Variants in FAM171A1 observed in about 807,000 individuals in gnomAD.
FAM171A1 encodes the protein protein FAM171A1.
Under a neutral mutation model 74.9 loss-of-function variants are expected in FAM171A1, and 23 were observed. The ratio of observed to expected loss-of-function variants is 0.31; its 90% confidence interval spans 0.22 to 0.44. FAM171A1 has a LOEUF of 0.44. FAM171A1 is among the 20% of genes least tolerant of loss of function. The pLI, the probability that FAM171A1 is intolerant of heterozygous loss-of-function variation, is 1.00. For synonymous variants in FAM171A1, 527 were observed against 505.7 expected (o/e 1.04, Z -0.57); for missense variants, 1,162 against 1,159.2 (o/e 1.00, Z -0.03).
intron 1 of FAM171A1, among the ~76,000 whole-genome samples, chr10:15,293,632 C>G (rs1268675682): frequency 6.6e-6 from 1 of 151,752 alleles, no homozygotes; most frequent in Non-Finnish European, 1.5e-5. Flanking sequence ...AAGATGCAAA[C>G]AAGATCTGAA....
intron 1 of FAM171A1, among the ~76,000 whole-genome samples, chr10:15,301,365 T>A (rs1228850279): frequency 0.011 from 1,654 of 148,770 alleles, 12 homozygotes; most frequent in Middle Eastern, 0.018. Flanking sequence ...TATATATATT[T>A]TTTTTTTTTG....
At chr10:15,275,485 T>C (rs1020129866) in intron 3 of FAM171A1, among the ~76,000 whole-genome samples, 2 of 151,670 alleles carry the variant, frequency 1.3e-5, no homozygotes, top group Non-Finnish European at 2.9e-5. Context: ...TTAGTAGAGA[T>C]GGGGTTTCAT....
At chr10:15,267,601 CAAAAAAAAAAAAAAA>C (rs71390026) in intron 3 of FAM171A1, among the ~76,000 whole-genome samples, 1 of 53,346 alleles carries the variant, frequency 1.9e-5, no homozygotes, top group African/African-American at 8.8e-5. Context: ...GACACCATCG[CAAAAAAAAAAAAAAA>C]AAAAAAAAAA....
chr10:15,220,437 C>T (rs1244321902), intron 6 of FAM171A1, among the ~76,000 whole-genome samples: 1 of 152,188 alleles, frequency 6.6e-6, no homozygotes, highest in Non-Finnish European at 1.5e-5. Flanking sequence ...TGGTCACGTT[C>T]TGAAAGATAT....
chr10:15,316,570 C>T (rs80042086), intron 1 of FAM171A1, among the ~76,000 whole-genome samples: 3,884 of 152,264 alleles, frequency 0.026, 70 homozygotes, highest in Non-Finnish European at 0.038. Flanking sequence ...ATAGAATGGA[C>T]AGGACACCTC....
Position 15,255,585 on chromosome 10 carries a change from C to G in FAM171A1, c.419-706G>C, listed in dbSNP as rs74856850. Among the ~76,000 whole-genome samples, 310 of 152,124 alleles carry G rather than the reference C, an allele frequency of 2.0e-3. 1 individual carries two copies. The highest frequency in any genetic ancestry group is 3.7e-3 in the Non-Finnish European group (251 of 68,004). The stretch of plus-strand genomic sequence containing the variant: ...AGGAGGACAGGTTGGGCTGACAGGC[C>G]CTAGACAGTTGGTTGTGCCGTCCTC... On this transcript the variant is annotated intron_variant, in intron 3 of 7. Transcript: ENST00000378116.
At chr10:15,366,347 T>C (rs1564292819) in intron 1 of FAM171A1, among the ~76,000 whole-genome samples, 2 of 152,204 alleles carry the variant, frequency 1.3e-5, no homozygotes, top group Non-Finnish European at 2.9e-5. Flanking sequence ...CTTGAACTTC[T>C]GACCTCAAGC....
chr10:15,330,713 CTTT>C lies in FAM171A1; in HGVS notation c.97+40240_97+40242del, dbSNP rs898772126. Reference sequence around the variant, plus strand: ...TGAAGCATATTTTTTTCTTCTTCTTCTTTTTTTTTTTTTTTTTTTTTTGAGATG... The same window carrying C: ...TGAAGCATATTTTTTTCTTCTTCTTCTTTTTTTTTTTTTTTTTTTGAGATG... On this transcript the variant is annotated intron_variant, in intron 1 of 7. Coordinates refer to ENST00000378116, the MANE Select transcript of FAM171A1 (RefSeq NM_001010924.2). Among the ~76,000 whole-genome samples the C allele has an allele frequency of 7.8e-5, 6 of 76,756 alleles. No homozygotes were observed. The East Asian group carries it at 3.3e-3, about 43-fold the overall frequency. 50.4% of individuals were successfully genotyped at this position (76,756 alleles called of 152,430 possible).
intron 3 of FAM171A1, among the ~76,000 whole-genome samples, chr10:15,271,046 C>T (rs1024510346): frequency 3.3e-5 from 5 of 152,166 alleles, no homozygotes; most frequent in Non-Finnish European, 7.3e-5. Flanking sequence ...GATGAGCTGA[C>T]AGAAGAATGC....
intron 3 of FAM171A1, among the ~76,000 whole-genome samples, chr10:15,265,098 G>T (rs112845472): frequency 6.6e-6 from 1 of 152,032 alleles, no homozygotes; most frequent in Admixed American, 6.6e-5. Context: ...TTATAAAAAG[G>T]TGCAGCCAGT....
intron 5 of FAM171A1, among the ~76,000 whole-genome samples, chr10:15,233,159 G>T (rs1161517883): frequency 6.6e-6 from 1 of 152,090 alleles, no homozygotes; most frequent in East Asian, 1.9e-4. Context: ...GCTTGGCGTG[G>T]TGGCCGGTGC....
At chr10:15,219,465 CCTTT>C (rs1834008726) in intron 6 of FAM171A1, among the ~76,000 whole-genome samples, 1 of 152,116 alleles carries the variant, frequency 6.6e-6, no homozygotes, top group African/African-American at 2.4e-5. Context: ...TCTTTTCCTT[CCTTT>C]GTTTCTCTTC....
chr10:15,288,522 G>A (rs1835065356), intron 1 of FAM171A1, among the ~76,000 whole-genome samples: 1 of 152,150 alleles, frequency 6.6e-6, no homozygotes, highest in Non-Finnish European at 1.5e-5. Flanking sequence ...CTGCATTGAT[G>A]ATTTATGCAA....
In FAM171A1 at chr10:15,256,441, C is replaced by T. The variant is rs1834581586; in HGVS notation, c.419-1562G>A. ...TTCCTTTTAAAAACTAGCAGGTAGACTTCTCCAGGGGCTGGTTCTCCACTC... is the reference window on the plus strand; with the variant it reads ...TTCCTTTTAAAAACTAGCAGGTAGATTTCTCCAGGGGCTGGTTCTCCACTC... On this transcript the variant is annotated intron_variant, in intron 3 of 7. Transcript: ENST00000378116. Among the ~76,000 whole-genome samples the T allele has an allele frequency of 3.3e-5, 5 of 152,282 alleles. No individual in the cohort carries two copies. The South Asian group carries it at 1.0e-3, about 32-fold the overall frequency.
At chr10:15,300,925 T>C (rs1424986066) in intron 1 of FAM171A1, among the ~76,000 whole-genome samples, 1 of 152,186 alleles carries the variant, frequency 6.6e-6, no homozygotes, top group African/African-American at 2.4e-5. Flanking sequence ...TCACGAAGCG[T>C]CTACAGAAAG....
Position 15,214,380 on chromosome 10 carries a change from G to A in FAM171A1, c.1208C>T (p.Ser403Phe), listed in dbSNP as rs1436964612. The stretch of plus-strand genomic sequence containing the variant: ...GTGCAGGTCCCCTTCGCCGCCCGGA[G>A]ACATCATTTCCAAATGGACTCCACT... ...LMSGVHLEMM[S>F]PGGEGDLHTP... Residue 403 changes from serine (S) to phenylalanine (F), a missense_variant, in exon 8 of 8, where the codon TCT becomes TTT. Coordinates refer to ENST00000378116, the MANE Select transcript of FAM171A1 (RefSeq NM_001010924.2). 1.9e-6 allele frequency: 3 copies of A among 1,613,586 alleles called. No individual in the cohort carries two copies. In the South Asian group the frequency reaches 3.3e-5, roughly 18 times the overall value.
At chr10:15,303,299 T>C (rs977807204) in intron 1 of FAM171A1, among the ~76,000 whole-genome samples, 2 of 152,202 alleles carry the variant, frequency 1.3e-5, no homozygotes, top group African/African-American at 4.8e-5. Flanking sequence ...CTAAGAACTT[T>C]AAAATCACAC....
At chr10:15,283,283 C>T (rs546435541) in intron 2 of FAM171A1, among the ~76,000 whole-genome samples, 1 of 152,324 alleles carries the variant, frequency 6.6e-6, no homozygotes, top group Non-Finnish European at 1.5e-5. Flanking sequence ...GCTGAAAACC[C>T]GAAGTCCAAC....
intron 4 of FAM171A1, among the ~76,000 whole-genome samples, chr10:15,253,057 G>A (rs1202186682): frequency 6.6e-6 from 1 of 152,086 alleles, no homozygotes; most frequent in African/African-American, 2.4e-5. Flanking sequence ...AGGCTGGAGT[G>A]CAGTGGCACG....
Sources: allele counts gnomAD v4.1 joint callset (sites outside exome capture counted in the v4.1 genomes callset), GRCh38; gene constraint gnomAD v4.1.1; transcripts MANE v1.5; gene names NCBI Gene and HGNC (gene_info 2026-07-23, HGNC 2026-07-21).